SLC41A3: variants seen among roughly 807,000 people sequenced by gnomAD.
SLC41A3 encodes the protein solute carrier family 41 member 3.
SLC41A3 carries 44 observed loss-of-function variants against 45.4 expected under a neutral mutation model. That is an observed-to-expected ratio of 0.97 (90% confidence interval 0.76 to 1.25). SLC41A3 has a LOEUF of 1.25. SLC41A3 is among the 50% of genes most tolerant of loss of function. The pLI is 0.00. For synonymous variants in SLC41A3, 256 were observed against 252.4 expected (o/e 1.01, Z -0.13); for missense variants, 550 against 600.6 (o/e 0.92, Z 0.88).
Position 126,090,028 on chromosome 3 carries a change from C to CTT in SLC41A3, c.-79+11399_-79+11400dup, listed in dbSNP as rs59737864. 1.9e-3 allele frequency among the ~76,000 whole-genome samples: 189 copies of CTT among 99,330 alleles called. 2 individuals carry two copies. Among genetic ancestry groups the CTT allele is most frequent in the South Asian group, 1.0e-2 (24 of 2,402 alleles). 65.2% of individuals were successfully genotyped at this position (99,330 alleles called of 152,430 possible). A position where few individuals can be genotyped will look rare whatever the true frequency, so the allele number is the denominator to read the frequency against. ...TCTAGTTAAAGAAGGTCAAGAAAAT[C>CTT]TTTTTTTTTTTTTTTTTTTTTTTTT... On this transcript the variant is annotated intron_variant, in intron 1 of 9. Coordinates refer to the SLC41A3 transcript ENST00000508835.
At chr3:126,069,830 T>C (rs1207040334) in intron 1 of SLC41A3, among the ~76,000 whole-genome samples, 1 of 151,976 alleles carries the variant, frequency 6.6e-6, no homozygotes, top group Non-Finnish European at 1.5e-5. Flanking sequence ...GTACAAGAGC[T>C]GGAATGTAAA....
intron 2 of SLC41A3, among the ~76,000 whole-genome samples, chr3:126,063,906 C>A (rs573590333): frequency 6.7e-6 from 1 of 148,484 alleles, no homozygotes; most frequent in Non-Finnish European, 1.5e-5. Context: ...GTGACCTCCA[C>A]TGGGTGTCAC....
Position 126,022,802 on chromosome 3 carries a change from G to A in SLC41A3, c.729C>T (p.Phe243=), listed in dbSNP as rs547722815. Residue 243 remains phenylalanine, a synonymous_variant, in exon 6 of 11, where the codon TTC becomes TTT. Coordinates refer to ENST00000360370, the MANE Select transcript of SLC41A3 (RefSeq NM_017836.4). ...TLSILALVSS[F]FYRHKDSRYL... is the part of the protein sequence containing the mutation. ...ACTCTTTACCTTTGTGTCTGTAGAA[G>A]AAGCTGCTAACCAAAGCCAGAATGG... 1.9e-6 allele frequency: 3 copies of A among 1,614,232 alleles called. No homozygotes were observed. The South Asian group carries it at 3.3e-5, about 18-fold the overall frequency.
upstream of SLC41A3, among the ~76,000 whole-genome samples, chr3:126,085,826 G>T (rs1297042550): frequency 6.6e-6 from 1 of 151,936 alleles, no homozygotes; most frequent in Admixed American, 6.6e-5. Context: ...AGTGTCTGGG[G>T]GGGGGTTGAC....
intron 2 of SLC41A3, among the ~76,000 whole-genome samples, chr3:126,052,348 G>C (rs1943387155): frequency 1.3e-5 from 2 of 152,084 alleles, no homozygotes; most frequent in African/African-American, 4.8e-5. Context: ...CTGGCCTTTG[G>C]GCACCACCAC....
At chr3:126,019,792 G>C (rs1940669161) in intron 6 of SLC41A3, among the ~76,000 whole-genome samples, 1 of 151,996 alleles carries the variant, frequency 6.6e-6, no homozygotes, top group Non-Finnish European at 1.5e-5. Flanking sequence ...AACCATGGCT[G>C]TGCAGTGCTC....
At chr3:126,050,902 C>T in intron 3 of SLC41A3, 41 bp downstream of exon 3, 1 of 1,588,342 alleles carries the variant, frequency 6.3e-7, no homozygotes, top group Non-Finnish European at 8.6e-7. Context: ...ACGCGCCTGC[C>T]TCACGTTGTG....
At chr3:126,044,788 C>A (rs4627715) in intron 3 of SLC41A3, among the ~76,000 whole-genome samples, 8,553 of 148,784 alleles carry the variant, frequency 0.057, 657 homozygotes, top group African/African-American at 0.18. Flanking sequence ...CCCAGCTACT[C>A]AGGAGGCTGA....
intron 4 of SLC41A3, among the ~76,000 whole-genome samples, chr3:126,028,617 TG>T (rs1034658625): frequency 1.5e-4 from 23 of 152,372 alleles, no homozygotes; most frequent in African/African-American, 5.0e-4. Flanking sequence ...CAGTTCCCAC[TG>T]GGGCACTGCC....
intron 1 of SLC41A3, among the ~76,000 whole-genome samples, chr3:126,093,091 T>C (rs551748657): frequency 6.6e-6 from 1 of 152,286 alleles, no homozygotes; most frequent in Non-Finnish European, 1.5e-5. Flanking sequence ...GAGGGTGATA[T>C]AGAGGCTTGG....
At chr3:126,054,160 C>A (rs1943515229) in intron 2 of SLC41A3, among the ~76,000 whole-genome samples, 1 of 152,208 alleles carries the variant, frequency 6.6e-6, no homozygotes, top group South Asian at 2.1e-4. Context: ...CCCTTCACTG[C>A]CAACTCCTCT....
chr3:126,015,351 A>C lies in SLC41A3; in HGVS notation c.970+143T>G, dbSNP rs1420567455. On this transcript the variant is annotated intron_variant, in intron 8 of 10. Coordinates refer to ENST00000360370, the MANE Select transcript of SLC41A3 (RefSeq NM_017836.4). ...GAAGACCTGCTCCAGCATCCCTGTA[A>C]GGCAGCAGTCTGTCCACGGCTCAGC... 3.2e-5 allele frequency: 24 copies of C among 744,692 alleles called. No homozygotes were observed. In the Admixed American group the frequency reaches 5.6e-4, roughly 17 times the overall value. 46.1% of individuals were successfully genotyped at this position (744,692 alleles called of 1,614,324 possible). A position where few individuals can be genotyped will look rare whatever the true frequency, so the allele number is the denominator to read the frequency against.
Position 126,045,026 on chromosome 3 carries a change from T to C in SLC41A3, c.381+5917A>G, listed in dbSNP as rs181474066. Among the ~76,000 whole-genome samples the C allele has an allele frequency of 3.3e-5, 5 of 150,772 alleles. No individual in the cohort carries two copies. The East Asian group carries it at 9.7e-4, about 29-fold the overall frequency. ...AATGTGGAAATCAAGCAACATACACTTGAACAACCAGTGGGTCCAAAAAAA... is the reference window on the plus strand; with the variant it reads ...AATGTGGAAATCAAGCAACATACACCTGAACAACCAGTGGGTCCAAAAAAA... On this transcript the variant is annotated intron_variant, in intron 3 of 10. Transcript: ENST00000360370.
intron 1 of SLC41A3, among the ~76,000 whole-genome samples, chr3:126,082,083 G>A (rs1945183789): frequency 6.6e-6 from 1 of 152,272 alleles, no homozygotes; most frequent in Admixed American, 6.5e-5. Flanking sequence ...CCCTTGCAGG[G>A]TGGGGGATCT....
chr3:126,046,714 C>A (rs58582416), intron 3 of SLC41A3, among the ~76,000 whole-genome samples: 50,638 of 151,944 alleles, frequency 0.33, 8,632 homozygotes, highest in Middle Eastern at 0.44. Context: ...GTAATCCCAG[C>A]ACTTTGGGAG....
intron 2 of SLC41A3, among the ~76,000 whole-genome samples, chr3:126,053,025 G>A (rs1280133826): frequency 2.0e-5 from 3 of 152,296 alleles, no homozygotes; most frequent in South Asian, 2.1e-4. Context: ...GCTATGACTG[G>A]TCAGTGAGAC....
At chr3:126,078,219 C>T (rs540401460) in intron 1 of SLC41A3, among the ~76,000 whole-genome samples, 1 of 152,336 alleles carries the variant, frequency 6.6e-6, no homozygotes, top group South Asian at 2.1e-4. Context: ...GAACCCATTC[C>T]ACCTTCCTCA....
intron 9 of SLC41A3, among the ~76,000 whole-genome samples, chr3:126,010,488 T>C (rs887085196): frequency 1.3e-5 from 2 of 152,294 alleles, no homozygotes; most frequent in Non-Finnish European, 2.9e-5. Flanking sequence ...AGAGACTCCA[T>C]AGAAGTCTGA....
chr3:126,058,886 C>A (rs1943838629), intron 2 of SLC41A3, among the ~76,000 whole-genome samples: 1 of 152,182 alleles, frequency 6.6e-6, no homozygotes, highest in Non-Finnish European at 1.5e-5. Flanking sequence ...CAACACATCA[C>A]CCAGGCCAAA....
Sources: allele counts gnomAD v4.1 joint callset (sites outside exome capture counted in the v4.1 genomes callset), GRCh38; gene constraint gnomAD v4.1.1; transcripts MANE v1.5; gene names NCBI Gene and HGNC (gene_info 2026-07-23, HGNC 2026-07-21).